PDLIM3: variants seen among roughly 807,000 people sequenced by gnomAD.
PDLIM3 encodes PDZ and LIM domain protein 3.
In PDLIM3, 36 loss-of-function variants were observed where a neutral mutation model predicts 37.3. The ratio of observed to expected loss-of-function variants is 0.97; its 90% confidence interval spans 0.74 to 1.28. The LOEUF (loss-of-function observed/expected upper bound fraction) is 1.28. Ranked by LOEUF, PDLIM3 falls within the 50% of genes most tolerant of loss-of-function variation. The probability of loss-of-function intolerance (pLI) is 0.00; values close to 1 mark genes in which losing one functional copy is unlikely to be tolerated. For missense variants in PDLIM3, 454 were observed against 485.0 expected (o/e 0.94, Z 0.60); for synonymous variants, 174 against 182.4 (o/e 0.95, Z 0.37).
chr4:185,531,294 T>TGA (rs1554040300), intron 1 of PDLIM3, among the ~76,000 whole-genome samples: 1 of 354 alleles, frequency 2.8e-3, no homozygotes, highest in East Asian at 0.083. Flanking sequence ...ACACGGTGTT[T>TGA]AACAACTCCC....
Position 185,504,507 on chromosome 4 carries a change from C to T in PDLIM3, c.873G>A (p.Met291Ile), listed in dbSNP as rs1187819272. ...VHGGSGGAQR[M>I]PLCDKCGSGI... ...CACTCCCACATTTGTCACAGAGCGG[C>T]ATCCTCTGTGCCCCGCCTGAACCGC... The change falls in exon 7 of 8, where the codon ATG becomes ATA. Residue 291 changes from methionine to isoleucine, a missense_variant. Coordinates refer to ENST00000284767, the MANE Select transcript of PDLIM3 (RefSeq NM_014476.6). The surrounding 1 kb of genome is among the most constrained non-coding windows in gnomAD (Gnocchi z 4.7). 1 of 1,613,902 alleles carries T rather than the reference C, an allele frequency of 6.2e-7. No homozygotes were observed. The highest frequency in any genetic ancestry group is 1.3e-5 in the African/African-American group (1 of 74,926).
intron 1 of PDLIM3, among the ~76,000 whole-genome samples, chr4:185,530,852 G>A (rs750815624): frequency 6.6e-6 from 1 of 152,080 alleles, no homozygotes; most frequent in African/African-American, 2.4e-5. Context: ...GGCTGTCACA[G>A]TATTGCAGTG....
At chr4:185,530,964 A>T (rs2095743142) in intron 1 of PDLIM3, among the ~76,000 whole-genome samples, 1 of 95,592 alleles carries the variant, frequency 1.0e-5, no homozygotes, top group Admixed American at 1.4e-4. Flanking sequence ...ATGCATGCAT[A>T]GAAACACACA....
rs183100408 is a variant in PDLIM3 at position 185,502,946 on chromosome 4, G to A, written c.906-463C>T. The stretch of plus-strand genomic sequence containing the variant: ...GAGCAAGAGAAAACAGATCAAAGAC[G>A]ACCGGGCGTGGTGGCTCACGCCTGA... On this transcript the variant is annotated intron_variant, in intron 7 of 7. Coordinates refer to ENST00000284767, the MANE Select transcript of PDLIM3 (RefSeq NM_014476.6). 6.2e-4 allele frequency among the ~76,000 whole-genome samples: 95 copies of A among 152,254 alleles called. 1 individual carries two copies. The highest frequency in any genetic ancestry group is 2.0e-3 in the African/African-American group (85 of 41,546).
At chr4:185,533,278 C>G (rs776772740) in intron 1 of PDLIM3, among the ~76,000 whole-genome samples, 2 of 152,136 alleles carry the variant, frequency 1.3e-5, no homozygotes, top group East Asian at 3.9e-4. Context: ...AACAATTCAC[C>G]ATTTAACAAT....
intron 1 of PDLIM3, among the ~76,000 whole-genome samples, chr4:185,532,431 C>G (rs975079213): frequency 6.6e-6 from 1 of 152,124 alleles, no homozygotes; most frequent in African/African-American, 2.4e-5. Context: ...CAGTAATCAA[C>G]CGGATGAGAT....
rs2095687739 is a variant in PDLIM3 at position 185,501,987 on chromosome 4, ATG to A, written c.*305_*306del. ...GAGTCCTTCAAATATCTTGATGTTT[ATG>A]TGTTTGATGGCTGTAATATACATGT... On this transcript the variant is annotated 3_prime_UTR_variant, in exon 8 of 8. Coordinates refer to ENST00000284767, the MANE Select transcript of PDLIM3 (RefSeq NM_014476.6). 2 of 410,670 alleles carry A rather than the reference ATG, an allele frequency of 4.9e-6. No individual in the cohort carries two copies. Among genetic ancestry groups the A allele is most frequent in the African/African-American group, 2.0e-5 (1 of 49,478 alleles). 25.4% of individuals were successfully genotyped at this position (410,670 alleles called of 1,614,324 possible). A position where few individuals can be genotyped will look rare whatever the true frequency, so the allele number is the denominator to read the frequency against.
intron 1 of PDLIM3, among the ~76,000 whole-genome samples, chr4:185,525,595 T>C (rs1485638411): frequency 6.6e-6 from 1 of 152,204 alleles, no homozygotes; most frequent in Non-Finnish European, 1.5e-5. Flanking sequence ...TTATCATCTT[T>C]AAAATTCACG....
Position 185,535,470 on chromosome 4 carries a change from C to CCCGCGCAGGGCAGCCACT in PDLIM3, c.-54_-37dup, listed in dbSNP as rs747776814. 8 of 1,528,420 alleles carry CCCGCGCAGGGCAGCCACT rather than the reference C, an allele frequency of 5.2e-6. No individual in the cohort carries two copies. The Admixed American group carries it at 5.9e-5, about 11-fold the overall frequency. 94.7% of individuals were successfully genotyped at this position (1,528,420 alleles called of 1,614,324 possible). ...TCCCGCCCACCGGGCTCTAAGTGTC[C>CCCGCGCAGGGCAGCCACT]CCGCGCAGGGCAGCCACTCCGCGCC... On this transcript the variant is annotated 5_prime_UTR_variant, in exon 1 of 8. Coordinates refer to ENST00000284767, the MANE Select transcript of PDLIM3 (RefSeq NM_014476.6).
chr4:185,515,065 A>C (rs147972128), intron 3 of PDLIM3: 1 of 504,812 alleles, frequency 2.0e-6, no homozygotes, highest in African/African-American at 1.9e-5. Flanking sequence ...TGAGCTTTAC[A>C]TGTGCTATAT....
chr4:185,518,553 T>A (rs891814777), intron 3 of PDLIM3, among the ~76,000 whole-genome samples: 1 of 152,118 alleles, frequency 6.6e-6, no homozygotes, highest in Non-Finnish European at 1.5e-5. Context: ...TATGAAGTGA[T>A]CTTATATTTG....
At position 185,514,295 on chromosome 4, in the gene PDLIM3, G is replaced by T; in HGVS notation, c.373C>A (p.Pro125Thr). 1 of 1,614,210 alleles carries T rather than the reference G, an allele frequency of 6.2e-7. No individual in the cohort carries two copies. The highest frequency in any genetic ancestry group is 8.5e-7 in the Non-Finnish European group (1 of 1,180,048). ...CTGCTTCGGCCCGGGATCACGAAAG[G>T]TTTGGGCCGAATATTATGCTTGTGT... Reference protein sequence around the residue: ...FEHKHNIRPKPFVIPGRSSGC... With the variant: ...FEHKHNIRPKTFVIPGRSSGC... Residue 125 changes from proline to threonine, a missense_variant, in exon 4 of 8, where the codon CCT becomes ACT. Physicochemically the swap from Pro to Thr is conservative, Grantham distance 38. Transcript: ENST00000284767. This position sits in a 1 kb window ranked among gnomAD's most constrained non-coding sequence, Gnocchi z 4.0.
At chr4:185,527,389 A>AATT (rs1366472979) in intron 1 of PDLIM3, among the ~76,000 whole-genome samples, 1 of 152,244 alleles carries the variant, frequency 6.6e-6, no homozygotes, top group Non-Finnish European at 1.5e-5. Flanking sequence ...AATAAATAAA[A>AATT]ATTGCTAAAA....
At chr4:185,502,545 A>G (rs748348213) in intron 7 of PDLIM3, 62 bp from the exon 8 acceptor site, 9 of 1,474,794 alleles carry the variant, frequency 6.1e-6, no homozygotes, top group South Asian at 4.5e-5. Context: ...GAGACAAAGG[A>G]GAGAACCCAA....
intron 1 of PDLIM3, among the ~76,000 whole-genome samples, chr4:185,525,946 C>T (rs1433996021): frequency 1.3e-5 from 2 of 152,150 alleles, no homozygotes; most frequent in African/African-American, 2.4e-5. Flanking sequence ...CAGTCTATTG[C>T]ACTTTGTTTA....
At position 185,502,033 on chromosome 4, in the gene PDLIM3, T is replaced by G; in HGVS notation, c.*261A>C. ...TACATGTAAATTGTGGAGTATGACA[T>G]ACAAAAAATTATTGCTTTAAATATC... On this transcript the variant is annotated 3_prime_UTR_variant, in exon 8 of 8. Transcript: ENST00000284767. The G allele has an allele frequency of 7.8e-6, 4 of 516,010 alleles. No homozygotes were observed. Among genetic ancestry groups the G allele is most frequent in the Non-Finnish European group, 7.0e-6 (2 of 284,334 alleles). The allele number at this position is 516,010 out of a possible 1,614,324, so 32.0% of individuals were successfully genotyped here. A position where few individuals can be genotyped will look rare whatever the true frequency, so the allele number is the denominator to read the frequency against.
chr4:185,501,003 C>A lies in PDLIM3; in HGVS notation c.*1291G>T, dbSNP rs1350750051. ...CCCTGCTGGTTCCCCATGGTTTGAACCTGAGGGGACAGTTTCAGAAGTTCC... is the reference window on the plus strand; with the variant it reads ...CCCTGCTGGTTCCCCATGGTTTGAAACTGAGGGGACAGTTTCAGAAGTTCC... On this transcript the variant is annotated 3_prime_UTR_variant, in exon 8 of 8. Transcript: ENST00000284767. The A allele has an allele frequency of 6.6e-6, 1 of 152,268 alleles. No homozygotes were observed. Among genetic ancestry groups the A allele is most frequent in the Non-Finnish European group, 1.5e-5 (1 of 68,134 alleles). 9.4% of individuals were successfully genotyped at this position (152,268 alleles called of 1,614,324 possible).
intron 3 of PDLIM3, among the ~76,000 whole-genome samples, chr4:185,521,096 A>G (rs1160003642): frequency 1.5e-5 from 1 of 66,240 alleles, no homozygotes; most frequent in African/African-American, 2.7e-5. Context: ...CAGGTGATAA[A>G]TTGATGACGG....
chr4:185,525,444 A>ACAT (rs1208980648), intron 1 of PDLIM3, among the ~76,000 whole-genome samples: 2 of 152,216 alleles, frequency 1.3e-5, no homozygotes, highest in African/African-American at 4.8e-5. Flanking sequence ...TGTGAATCAT[A>ACAT]CATTTTTTTG....
Sources: allele counts gnomAD v4.1 joint callset (sites outside exome capture counted in the v4.1 genomes callset), GRCh38; gene constraint gnomAD v4.1.1; non-coding constraint Gnocchi (gnomAD v3.1); transcripts MANE v1.5; gene names NCBI Gene and HGNC (gene_info 2026-07-23, HGNC 2026-07-21).